The following ZPBP variants were observed in gnomAD, a reference collection of about 807,000 sequenced individuals.
ZPBP encodes the protein zona pellucida-binding protein 1.
In ZPBP, 26 loss-of-function variants were observed where a neutral mutation model predicts 44.8. The ratio of observed to expected loss-of-function variants is 0.58; its 90% CI spans 0.43 to 0.81. The LOEUF (loss-of-function observed/expected upper bound fraction) is 0.81, where lower values mean the gene tolerates loss of function less well. ZPBP is among the 30% of genes least tolerant of loss of function. The pLI, the probability that ZPBP is intolerant of heterozygous loss-of-function variation, is 0.00. For synonymous variants in ZPBP, 174 were observed against 153.2 expected (o/e 1.14, Z -1.00); for missense variants, 409 against 434.0 (o/e 0.94, Z 0.51).
intron 3 of ZPBP, among the ~76,000 whole-genome samples, chr7:50,076,146 T>C (rs1052841125): frequency 3.3e-5 from 5 of 151,662 alleles, no homozygotes; most frequent in Non-Finnish European, 5.9e-5. Flanking sequence ...GAATGAAGGA[T>C]AAAAACATGA....
chr7:50,065,640 A>C (rs547521626), intron 3 of ZPBP, among the ~76,000 whole-genome samples: 45 of 150,864 alleles, frequency 3.0e-4, no homozygotes, highest in Non-Finnish European at 5.9e-4. Context: ...TCCCATGGCC[A>C]CTGGTCTCCC....
intron 2 of ZPBP, among the ~76,000 whole-genome samples, chr7:50,088,320 A>C (rs952544849): frequency 4.6e-5 from 7 of 152,084 alleles, no homozygotes; most frequent in African/African-American, 1.7e-4. Context: ...AAACTACAAC[A>C]TTCTTATAAA....
the ZPBP span, among the ~76,000 whole-genome samples, chr7:49,841,021 A>G: frequency 6.6e-5 from 10 of 152,338 alleles, no homozygotes; most frequent in South Asian, 2.1e-3. Context: ...ATTGGATGCC[A>G]CTGCAAGGAC....
intron 4 of ZPBP, among the ~76,000 whole-genome samples, chr7:50,051,988 C>T (rs1800722893): frequency 1.3e-5 from 2 of 151,718 alleles, no homozygotes; most frequent in South Asian, 4.2e-4. Flanking sequence ...AAAAAGGAAA[C>T]CTACAAAACT....
Position 50,058,148 on chromosome 7 carries a change from G to A in ZPBP, c.335-7C>T. ...TGTGCAGTGCGGTTTTCTACTAAAG[G>A]AATAAGATACAGTTACGAGTTGCTT... is the stretch of plus-strand genomic sequence containing the variant. On this transcript the variant is annotated splice_region_variant and splice_polypyrimidine_tract_variant and intron_variant, in intron 3 of 7. Coordinates refer to ENST00000046087, the MANE Select transcript of ZPBP (RefSeq NM_007009.3). 6.2e-7 allele frequency: 1 copy of A among 1,613,360 alleles called. No individual in the cohort carries two copies. Among genetic ancestry groups the A allele is most frequent in the Non-Finnish European group, 8.5e-7 (1 of 1,179,656 alleles).
intron 7 of ZPBP, among the ~76,000 whole-genome samples, chr7:49,945,896 G>C (rs1795084669): frequency 6.6e-6 from 1 of 151,890 alleles, no homozygotes; most frequent in African/African-American, 2.4e-5. Context: ...TGGTTGTTTT[G>C]TGGTCTTTTC....
At chr7:49,872,029 T>C (rs1263895960) in intron 2 of ZPBP, among the ~76,000 whole-genome samples, 1 of 144,432 alleles carries the variant, frequency 6.9e-6, no homozygotes, top group Non-Finnish European at 1.5e-5. Context: ...AAGTAATATA[T>C]AGAAAAAAAT....
chr7:50,091,347 T>C, intron 1 of ZPBP, among the ~76,000 whole-genome samples: 1 of 152,234 alleles, frequency 6.6e-6, no homozygotes, highest in East Asian at 1.9e-4. Flanking sequence ...AAGTCCGACA[T>C]ATTTGTCCTT....
At chr7:50,047,738 G>A (rs1278211585) in intron 4 of ZPBP, among the ~76,000 whole-genome samples, 1 of 151,022 alleles carries the variant, frequency 6.6e-6, no homozygotes, top group Non-Finnish European at 1.5e-5. Flanking sequence ...GGTGCCTCAT[G>A]AGAAAATGAT....
At chr7:50,080,624 TAAAATGTAAAACATATTTAA>T (rs1411744754) in intron 3 of ZPBP, among the ~76,000 whole-genome samples, 2 of 151,808 alleles carry the variant, frequency 1.3e-5, no homozygotes, top group Admixed American at 6.6e-5. Context: ...AGTTTCAATA[TAAAATGTAAAACATATTTAA>T]AACACATGTT....
At chr7:49,946,750 G>A (rs962367427) in intron 7 of ZPBP, among the ~76,000 whole-genome samples, 80 of 151,968 alleles carry the variant, frequency 5.3e-4, no homozygotes, top group African/African-American at 1.9e-3. Flanking sequence ...TCTAGGTTTG[G>A]AAACTTCTCT....
intron 3 of ZPBP, among the ~76,000 whole-genome samples, chr7:50,065,695 G>A (rs1367471709): frequency 1.3e-5 from 2 of 150,794 alleles, no homozygotes; most frequent in African/African-American, 4.9e-5. Flanking sequence ...TTCTTAAGCT[G>A]CCAGCTATGT....
At chr7:49,907,124 G>A (rs1359149536) in intron 1 of ZPBP, among the ~76,000 whole-genome samples, 2 of 152,074 alleles carry the variant, frequency 1.3e-5, no homozygotes, top group Non-Finnish European at 2.9e-5. Flanking sequence ...AAAAAGCAAA[G>A]TACACAGCAT....
At chr7:49,877,481 A>AATATATACAT (rs1791476973) in intron 2 of ZPBP, among the ~76,000 whole-genome samples, 1 of 12,722 alleles carries the variant, frequency 7.9e-5, no homozygotes, top group Admixed American at 1.4e-3. Context: ...AAAAAAAAAA[A>AATATATACAT]ATATATATAT....
At chr7:49,884,022 C>T (rs926075882) in intron 2 of ZPBP, among the ~76,000 whole-genome samples, 41 of 152,214 alleles carry the variant, frequency 2.7e-4, no homozygotes, top group African/African-American at 9.6e-4. Flanking sequence ...GTGGGGCCAG[C>T]CAAGGTAGGA....
intron 2 of ZPBP, among the ~76,000 whole-genome samples, chr7:49,851,908 C>T (rs1790194567): frequency 1.3e-5 from 2 of 152,082 alleles, no homozygotes; most frequent in Admixed American, 6.5e-5. Flanking sequence ...AGCATTCACA[C>T]CCACAACACT....
chr7:49,877,481 A>AAAATATACATAC, intron 2 of ZPBP, among the ~76,000 whole-genome samples: 3 of 12,722 alleles, frequency 2.4e-4, no homozygotes, highest in African/African-American at 8.3e-4. Flanking sequence ...AAAAAAAAAA[A>AAAATATACATAC]ATATATATAT....
chr7:49,850,889 T>A (rs1790150268), intron 2 of ZPBP, among the ~76,000 whole-genome samples: 1 of 152,236 alleles, frequency 6.6e-6, no homozygotes, highest in African/African-American at 2.4e-5. Flanking sequence ...GATGACTCCC[T>A]GTGGAGAAGG....
chr7:49,974,980 C>T (rs1796443502), intron 7 of ZPBP, among the ~76,000 whole-genome samples: 1 of 152,032 alleles, frequency 6.6e-6, no homozygotes, highest in African/African-American at 2.4e-5. Flanking sequence ...AGTTGTGGGA[C>T]CCACTTTGCT....
Sources: allele counts gnomAD v4.1 joint callset (sites outside exome capture counted in the v4.1 genomes callset), GRCh38; gene constraint gnomAD v4.1.1; transcripts MANE v1.5; gene names NCBI Gene and HGNC (gene_info 2026-07-23, HGNC 2026-07-21).